The following ARID4B variants were observed in gnomAD, a reference collection of about 807,000 sequenced individuals.
The protein encoded by ARID4B is AT-rich interaction domain 4B, also known as AT-rich interactive domain-containing protein 4B.
A neutral mutation model predicts 147.5 loss-of-function variants in ARID4B; 26 were observed. That is an observed-to-expected ratio of 0.18 (90% CI 0.13 to 0.24). ARID4B has a LOEUF of 0.24. Among genes scored for constraint, ARID4B ranks in the 10% least tolerant of loss-of-function variants. The pLI is 1.00. For missense variants in ARID4B, 1,179 were observed against 1,511.5 expected (o/e 0.78, Z 3.65); for synonymous variants, 512 against 507.9 (o/e 1.01, Z -0.11).
chr1:235,327,040 G>GT (rs973276991), intron 1 of ARID4B, 72 bp from the exon 2 acceptor site: 1 of 1,085,508 alleles, frequency 9.2e-7, no homozygotes, highest in African/African-American at 1.6e-5. Context: ...CGGAGGGAAA[G>GT]AAGCGAGCGA....
chr1:235,202,707 G>A (rs976306091), intron 17 of ARID4B, among the ~76,000 whole-genome samples: 4 of 151,624 alleles, frequency 2.6e-5, no homozygotes, highest in East Asian at 1.9e-4. Flanking sequence ...GTGCCACCAC[G>A]TCCAGCTAAT....
intron 2 of ARID4B, among the ~76,000 whole-genome samples, chr1:235,313,707 G>T (rs1474486883): frequency 6.6e-6 from 1 of 152,130 alleles, no homozygotes; most frequent in African/African-American, 2.4e-5. Context: ...CCCTTACAAG[G>T]AAAGACGGGA....
intron 2 of ARID4B, among the ~76,000 whole-genome samples, chr1:235,290,543 T>C (rs951710764): frequency 6.6e-6 from 1 of 151,990 alleles, no homozygotes; most frequent in Non-Finnish European, 1.5e-5. Context: ...AGTTACCTCA[T>C]CTCAGACCTG....
chr1:235,181,085 C>A, intron 20 of ARID4B: 1 of 1,016,278 alleles, frequency 9.8e-7, no homozygotes, highest in Non-Finnish European at 1.2e-6. Flanking sequence ...GTTAGTCAGG[C>A]TTGAAAATCA....
At chr1:235,210,360 G>A (rs1367380554) in intron 17 of ARID4B, among the ~76,000 whole-genome samples, 2 of 151,776 alleles carry the variant, frequency 1.3e-5, no homozygotes, top group East Asian at 1.9e-4. Flanking sequence ...GAACCTCCAC[G>A]CATAAATCTT....
In ARID4B at chr1:235,183,061, A is replaced by G. The variant is rs187840315; in HGVS notation, c.2126-268T>C. On this transcript the variant is annotated intron_variant, in intron 19 of 23. Transcript: ENST00000264183. The stretch of plus-strand genomic sequence containing the variant: ...TCACATTTTAAACATAAAAGTCATC[A>G]CTTTTATGTAAACTGTACCTTAATA... Among the ~76,000 whole-genome samples the G allele has an allele frequency of 7.2e-5, 11 of 152,294 alleles. No individual in the cohort carries two copies. In the East Asian group the frequency reaches 2.1e-3, roughly 29 times the overall value.
intron 20 of ARID4B, among the ~76,000 whole-genome samples, chr1:235,179,036 A>G (rs1664089967): frequency 2.0e-5 from 3 of 152,192 alleles, no homozygotes; most frequent in East Asian, 1.9e-4. Context: ...CAGAACCATA[A>G]TTGTCAGGTT....
rs1440070000 is a variant in ARID4B at position 235,255,643 on chromosome 1, A to G, written c.274+17T>C. Reference sequence around the variant, plus strand: ...GTAACTAAAAACACATTTTTAAAAGAAAATTTATTTTCTTACCTACAGTGT... The same window carrying G: ...GTAACTAAAAACACATTTTTAAAAGGAAATTTATTTTCTTACCTACAGTGT... On this transcript the variant is annotated intron_variant, in intron 5 of 23. Transcript: ENST00000264183. 2.0e-6 allele frequency: 3 copies of G among 1,529,926 alleles called. No individual in the cohort carries two copies. The highest frequency in any genetic ancestry group is 2.6e-6 in the Non-Finnish European group (3 of 1,133,148). The allele number at this position is 1,529,926 out of a possible 1,614,324, so 94.8% of individuals were successfully genotyped here.
At chr1:235,297,440 TAA>T (rs1672816100) in intron 2 of ARID4B, among the ~76,000 whole-genome samples, 1 of 152,286 alleles carries the variant, frequency 6.6e-6, no homozygotes, top group Non-Finnish European at 1.5e-5. Context: ...ATACATGAAA[TAA>T]AAGTTTTCTT....
chr1:235,176,437 CAAAAAAA>C (rs34808765), intron 21 of ARID4B, among the ~76,000 whole-genome samples: 67 of 22,506 alleles, frequency 3.0e-3, no homozygotes, highest in African/African-American at 5.8e-3. Context: ...ACAACATCAC[CAAAAAAA>C]AAAAAAAAAA....
At chr1:235,169,184 ATTAG>A (rs1339625575) in intron 23 of ARID4B, among the ~76,000 whole-genome samples, 1 of 151,586 alleles carries the variant, frequency 6.6e-6, no homozygotes, top group East Asian at 1.9e-4. Flanking sequence ...CAAATAACAC[ATTAG>A]TTATTTTCAT....
chr1:235,290,809 C>T lies in ARID4B; in HGVS notation c.7-30057G>A, dbSNP rs762805826. On this transcript the variant is annotated intron_variant, in intron 2 of 23. Coordinates refer to ENST00000264183, the MANE Select transcript of ARID4B (RefSeq NM_016374.6). ...CAACCCTAGACATTTACAAAAATTC[C>T]ATAACAGCCAGGTGTGGAGGCTTAC... Among the ~76,000 whole-genome samples the T allele has an allele frequency of 4.2e-4, 64 of 152,180 alleles. 1 individual carries two copies. The highest frequency in any genetic ancestry group is 3.1e-3 in the Admixed American group (47 of 15,264).
intron 2 of ARID4B, among the ~76,000 whole-genome samples, chr1:235,285,227 T>G (rs1671899263): frequency 6.6e-6 from 1 of 152,194 alleles, no homozygotes; most frequent in South Asian, 2.1e-4. Context: ...AATAAAATTC[T>G]AGCATGTAGA....
intron 19 of ARID4B, among the ~76,000 whole-genome samples, chr1:235,191,982 A>C (rs1665142419): frequency 6.6e-6 from 1 of 152,086 alleles, no homozygotes; most frequent in Non-Finnish European, 1.5e-5. Flanking sequence ...GGAGGCTGAG[A>C]TGGAAAGGTC....
At chr1:235,175,530 AT>A in intron 21 of ARID4B, 131 bp from the exon 22 acceptor site, 1 of 701,384 alleles carries the variant, frequency 1.4e-6, no homozygotes, top group Non-Finnish European at 2.3e-6. Flanking sequence ...AACCTGGAAA[AT>A]CATATACAAA....
intron 2 of ARID4B, among the ~76,000 whole-genome samples, chr1:235,317,118 AAATTT>A (rs1674493983): frequency 6.6e-6 from 1 of 152,242 alleles, no homozygotes; most frequent in Non-Finnish European, 1.5e-5. Flanking sequence ...AATATAATAA[AAATTT>A]TTTTCTGATT....
chr1:235,236,846 A>ATATATATATATGTG (rs1332990315), intron 8 of ARID4B, among the ~76,000 whole-genome samples: 7 of 34,536 alleles, frequency 2.0e-4, no homozygotes, highest in Non-Finnish European at 4.1e-4. Context: ...ATATATATAT[A>ATATATATATATGTG]TATATATATA....
chr1:235,195,935 T>C lies in ARID4B; in HGVS notation c.1926+96A>G. The C allele has an allele frequency of 4.0e-6, 3 of 742,412 alleles. No individual in the cohort carries two copies. In the South Asian group the frequency reaches 5.0e-5, roughly 12 times the overall value. The allele number at this position is 742,412 out of a possible 1,614,324, so 46.0% of individuals were successfully genotyped here. A position where few individuals can be genotyped will look rare whatever the true frequency, so the allele number is the denominator to read the frequency against. On this transcript the variant is annotated intron_variant, in intron 18 of 23. Coordinates refer to ENST00000264183, the MANE Select transcript of ARID4B (RefSeq NM_016374.6). ...TCTAGCATTTGAAAAATGTGCTATT[T>C]CAATAAAGTGTAACACTAACACATA...
intron 2 of ARID4B, among the ~76,000 whole-genome samples, chr1:235,276,903 G>C (rs1471888615): frequency 6.6e-6 from 1 of 151,704 alleles, no homozygotes; most frequent in Non-Finnish European, 1.5e-5. Flanking sequence ...GGGAGGCTGA[G>C]GCAGGAGAAT....
Sources: gnomAD v4.1 joint callset for allele counts (sites outside exome capture counted in the v4.1 genomes callset) on GRCh38, gnomAD v4.1.1 for gene constraint, MANE v1.5 for transcripts, NCBI Gene and HGNC (gene_info 2026-07-23, HGNC 2026-07-21) for gene names.